IFI30: variants seen among roughly 807,000 people sequenced by gnomAD.
The protein encoded by IFI30 is IFI30 lysosomal thiol reductase.
Under a neutral mutation model 30.1 loss-of-function variants are expected in IFI30, and 26 were observed. That is an observed-to-expected ratio of 0.87 (90% CI 0.63 to 1.20). The LOEUF (loss-of-function observed/expected upper bound fraction) is 1.20. IFI30 is among the 50% of genes most tolerant of loss of function. The pLI, the probability that IFI30 is intolerant of heterozygous loss-of-function variation, is 0.00. For synonymous variants in IFI30, 149 were observed against 134.5 expected (o/e 1.11, Z -0.75); for missense variants, 296 against 312.5 (o/e 0.95, Z 0.40).
rs1289470944 is a variant in IFI30 at position 18,173,836 on chromosome 19, G to A, written c.-6G>A. ...CTGCAGTCGCCACACCTTTGCCCCT[G>A]CTGCGATGACCCTGTCGCCACTTCT... On this transcript the variant is annotated 5_prime_UTR_variant, in exon 1 of 7. Transcript: ENST00000407280. 3 of 1,544,214 alleles carry A rather than the reference G, an allele frequency of 1.9e-6. No homozygotes were observed. The highest frequency in any genetic ancestry group is 2.6e-6 in the Non-Finnish European group (3 of 1,145,534).
chr19:18,174,843 G>A (rs1368481713), intron 1 of IFI30, 197 bp from the exon 2 acceptor site: 1 of 547,868 alleles, frequency 1.8e-6, no homozygotes. Flanking sequence ...CAGCACACCA[G>A]CCTAGCGACA....
chr19:18,177,622 A>T, intron 5 of IFI30, 89 bp from the exon 6 acceptor site: 2 of 1,473,840 alleles, frequency 1.4e-6, no homozygotes, highest in Non-Finnish European at 1.9e-6. Flanking sequence ...CAGACTTGGG[A>T]ATATGTGCAG....
Position 18,173,876 on chromosome 19 carries a change from C to T in IFI30, c.35C>T (p.Pro12Leu). Residue 12 changes from proline (P) to leucine (L), a missense_variant, in exon 1 of 7, where the codon CCG becomes CTG. By Grantham distance (98) the Pro-to-Leu change is moderately conservative. Transcript: ENST00000407280. ...TLSPLLLFLP[P>L]LLLLLDVPTA... The stretch of plus-strand genomic sequence containing the variant: ...TCGCCACTTCTGCTGTTCCTGCCAC[C>T]GCTGCTGCTGCTGCTGGACGTCCCC... 6.7e-7 allele frequency: 1 copy of T among 1,491,244 alleles called. No homozygotes were observed. Among genetic ancestry groups the T allele is most frequent in the Non-Finnish European group, 9.1e-7 (1 of 1,102,422 alleles). 92.4% of individuals were successfully genotyped at this position (1,491,244 alleles called of 1,614,324 possible).
chr19:18,175,762 G>A (rs1366637173), intron 4 of IFI30, 65 bp downstream of exon 4: 46 of 1,283,738 alleles, frequency 3.6e-5, no homozygotes, highest in Non-Finnish European at 4.8e-5. Flanking sequence ...CTGCATCCAG[G>A]CAGACCCAAA....
At chr19:18,175,821 A>G (rs1967263634) in intron 4 of IFI30, 124 bp downstream of exon 4, 3 of 627,518 alleles carry the variant, frequency 4.8e-6, no homozygotes, top group Admixed American at 2.9e-5. Context: ...CAGGAAAACA[A>G]CTACCCTTCT....
chr19:18,173,819 G>A lies in IFI30; in HGVS notation c.-23G>A. The A allele has an allele frequency of 6.6e-7, 1 of 1,523,946 alleles. No homozygotes were observed. The allele number at this position is 1,523,946 out of a possible 1,614,324, so 94.4% of individuals were successfully genotyped here. ...TATTTCCCAGGCAGCCGCTGCAGTC[G>A]CCACACCTTTGCCCCTGCTGCGATG... On this transcript the variant is annotated 5_prime_UTR_variant, in exon 1 of 7. Transcript: ENST00000407280.
chr19:18,175,784 G>T (rs1391150494), intron 4 of IFI30, 87 bp downstream of exon 4: 9 of 920,198 alleles, frequency 9.8e-6, no homozygotes, highest in Non-Finnish European at 1.2e-5. Context: ...TCAAGTCCTA[G>T]CCCTGACCAC....
rs372940357 is a variant in IFI30, at chr19:18,177,663, G to A, written c.637-48G>A. The stretch of plus-strand genomic sequence containing the variant: ...TCTGGGCTGGAACCAGGGTGCATGG[G>A]TTGGGGTAGCTGCTGGGAATATGCG... On this transcript the variant is annotated intron_variant, in intron 5 of 6. Transcript: ENST00000407280. The A allele has an allele frequency of 1.7e-5, 27 of 1,605,146 alleles. No individual in the cohort carries two copies. In the African/African-American group the frequency reaches 2.8e-4, roughly 17 times the overall value.
rs1296011832 is a variant in IFI30 at position 18,175,709 on chromosome 19, C to G, written c.483+12C>G. On this transcript the variant is annotated intron_variant, in intron 4 of 6. Transcript: ENST00000407280. ...GAAGTCTGCCACTAGTGAGTGACGC[C>G]CCTCACTCCACCCAAGGAGGGGGAC... The G allele has an allele frequency of 1.3e-6, 2 of 1,587,270 alleles. No homozygotes were observed. The highest frequency in any genetic ancestry group is 4.5e-5 in the East Asian group (2 of 44,142).
intron 3 of IFI30, 21 bp downstream of exon 3, chr19:18,175,406 A>C: frequency 1.3e-6 from 2 of 1,572,582 alleles, no homozygotes; most frequent in Non-Finnish European, 1.7e-6. Context: ...CCAGGGCCCC[A>C]CACTGGGGTG....
Position 18,177,881 on chromosome 19 carries a change from C to A in IFI30, c.723C>A (p.Thr241=). ...AGCCGGATGTCTGCCCTTCCTCAAC[C>A]AGCTCCCTCAGGAGTGTTTGCTTCA... ...GKKPDVCPSS[T]SSLRSVCFK Residue 241 remains threonine, a synonymous_variant, in exon 7 of 7, where the codon ACC becomes ACA. Transcript: ENST00000407280. The A allele has an allele frequency of 6.3e-7, 1 of 1,596,072 alleles. No homozygotes were observed. Among genetic ancestry groups the A allele is most frequent in the East Asian group, 2.3e-5 (1 of 44,068 alleles).
Position 18,173,827 on chromosome 19 carries a change from T to G in IFI30, c.-15T>G. 1.9e-6 allele frequency: 3 copies of G among 1,539,560 alleles called. No homozygotes were observed. The highest frequency in any genetic ancestry group is 2.6e-6 in the Non-Finnish European group (3 of 1,143,426). On this transcript the variant is annotated 5_prime_UTR_variant, in exon 1 of 7. Transcript: ENST00000407280. Reference sequence around the variant, plus strand: ...AGGCAGCCGCTGCAGTCGCCACACCTTTGCCCCTGCTGCGATGACCCTGTC... The same window carrying G: ...AGGCAGCCGCTGCAGTCGCCACACCGTTGCCCCTGCTGCGATGACCCTGTC...
intron 5 of IFI30, 136 bp from the exon 6 acceptor site, chr19:18,177,575 A>G (rs1967287778): frequency 9.6e-7 from 1 of 1,040,752 alleles, no homozygotes; most frequent in African/African-American, 1.6e-5. Context: ...CCATTGGGAA[A>G]GATGTGCCAC....
chr19:18,174,887 C>T, intron 1 of IFI30, 153 bp from the exon 2 acceptor site: 4 of 579,454 alleles, frequency 6.9e-6, no homozygotes, highest in South Asian at 2.3e-5. Flanking sequence ...AAAAAAAAGT[C>T]TCAAAGTCAA....
At position 18,177,760 on chromosome 19, in the gene IFI30, A is replaced by G; in HGVS notation, c.686A>G (p.Tyr229Cys). 6.2e-7 allele frequency: 1 copy of G among 1,613,620 alleles called. No homozygotes were observed. Among genetic ancestry groups the G allele is most frequent in the Non-Finnish European group, 8.5e-7 (1 of 1,179,776 alleles). ...TQLLTLVCQL[Y>C]QGKKPDVCPS... ...CTCCTTACCCTTGTCTGCCAGTTGT[A>G]CCAGGTAAGCTGGGAGGGGAGCAGT... Residue 229 changes from tyrosine (Y) to cysteine (C), a missense_variant, in exon 6 of 7, where the codon TAC becomes TGC. Physicochemically the swap from Tyr to Cys is radical, Grantham distance 194 (BLOSUM62 -2). Transcript: ENST00000407280.
At chr19:18,175,440 G>A in intron 3 of IFI30, 55 bp downstream of exon 3, 2 of 1,516,094 alleles carry the variant, frequency 1.3e-6, no homozygotes, top group South Asian at 2.4e-5. Flanking sequence ...CCACGTACAG[G>A]AGGCAAATAC....
chr19:18,174,889 C>G, intron 1 of IFI30, 151 bp from the exon 2 acceptor site: 2 of 592,892 alleles, frequency 3.4e-6, no homozygotes, highest in Admixed American at 3.3e-5. Context: ...AAAAAAGTCT[C>G]AAAGTCAAGA....
In IFI30 at chr19:18,174,989, T is replaced by C; in HGVS notation, c.133-51T>C. On this transcript the variant is annotated intron_variant, in intron 1 of 6. Coordinates refer to ENST00000407280, the MANE Select transcript of IFI30 (RefSeq NM_006332.5). ...GACTACCAAGTGGGGTTGAGAGAAG[T>C]GGGGAACTGCCCAGGGCTACACCTG... is the stretch of plus-strand genomic sequence containing the variant. The C allele has an allele frequency of 2.0e-6, 3 of 1,472,488 alleles. No homozygotes were observed. In the African/African-American group the frequency reaches 4.2e-5, roughly 21 times the overall value. 91.2% of individuals were successfully genotyped at this position (1,472,488 alleles called of 1,614,324 possible).
Position 18,173,847 on chromosome 19 carries a change from C to T in IFI30, c.6C>T (p.Thr2=). 1 of 1,547,268 alleles carries T rather than the reference C, an allele frequency of 6.5e-7. No individual in the cohort carries two copies. Among genetic ancestry groups the T allele is most frequent in the South Asian group, 1.2e-5 (1 of 83,954 alleles). Residue 2 remains threonine, a synonymous_variant, in exon 1 of 7, where the codon ACC becomes ACT. Coordinates refer to ENST00000407280, the MANE Select transcript of IFI30 (RefSeq NM_006332.5). Reference sequence around the variant, plus strand: ...ACACCTTTGCCCCTGCTGCGATGACCCTGTCGCCACTTCTGCTGTTCCTGC... The same window carrying T: ...ACACCTTTGCCCCTGCTGCGATGACTCTGTCGCCACTTCTGCTGTTCCTGC... M[T]LSPLLLFLPP... is the part of the protein sequence containing the mutation.
Sources: gnomAD v4.1 joint callset for allele counts on GRCh38, gnomAD v4.1.1 for gene constraint, MANE v1.5 for transcripts, NCBI Gene and HGNC (gene_info 2026-07-23, HGNC 2026-07-21) for gene names.